PHACTR3: variants seen among roughly 807,000 people sequenced by gnomAD.
PHACTR3 encodes phosphatase and actin regulator 3.
Under a neutral mutation model 66.8 loss-of-function variants are expected in PHACTR3, and 16 were observed. The ratio of observed to expected loss-of-function variants is 0.24; its 90% CI spans 0.16 to 0.36. The LOEUF is 0.36. Ranked by LOEUF, PHACTR3 falls within the 10% of genes least tolerant of loss-of-function variation. The probability of loss-of-function intolerance (pLI) is 1.00; values close to 1 mark genes in which losing one functional copy is unlikely to be tolerated. For missense variants in PHACTR3, 647 were observed against 719.9 expected, an observed-to-expected ratio of 0.90 and a Z score of 1.16; for synonymous variants, 323 against 292.1, an observed-to-expected ratio of 1.11 and a Z score of -1.08.
intron 1 of PHACTR3, among the ~76,000 whole-genome samples, chr20:59,595,329 G>T (rs1376109875): frequency 6.6e-6 from 1 of 152,154 alleles, no homozygotes; most frequent in Admixed American, 6.6e-5. Context: ...CGGCATGGTG[G>T]TGCACGCCTG....
At chr20:59,651,263 A>G (rs1340176746) in intron 1 of PHACTR3, among the ~76,000 whole-genome samples, 2 of 152,222 alleles carry the variant, frequency 1.3e-5, no homozygotes, top group Non-Finnish European at 2.9e-5. Context: ...CTCCCATTAC[A>G]TTACATTTTC....
At chr20:59,635,131 CTT>C (rs1182171122) in intron 1 of PHACTR3, among the ~76,000 whole-genome samples, 11 of 70,108 alleles carry the variant, frequency 1.6e-4, no homozygotes, top group African/African-American at 6.3e-4. Context: ...TTCTTTCTTT[CTT>C]TCTTTCTTTC....
chr20:59,779,016 G>A (rs897461032), intron 7 of PHACTR3, among the ~76,000 whole-genome samples: 2 of 152,210 alleles, frequency 1.3e-5, no homozygotes, highest in Non-Finnish European at 1.5e-5. Context: ...GCAAGCCCTG[G>A]GTGAGGCCCC....
intron 1 of PHACTR3, among the ~76,000 whole-genome samples, chr20:59,648,352 C>T (rs376943353): frequency 1.5e-4 from 23 of 152,206 alleles, no homozygotes; most frequent in African/African-American, 4.1e-4. Flanking sequence ...GGAATCATAT[C>T]TTACTGGCCT....
At chr20:59,701,107 A>T (rs2146610717) in intron 1 of PHACTR3, among the ~76,000 whole-genome samples, 1 of 152,238 alleles carries the variant, frequency 6.6e-6, no homozygotes, top group South Asian at 2.1e-4. Context: ...TCCTTTTTAT[A>T]ACAGGAATGT....
upstream of PHACTR3, among the ~76,000 whole-genome samples, chr20:59,603,170 A>T (rs970012066): frequency 3.3e-5 from 5 of 152,202 alleles, no homozygotes; most frequent in Admixed American, 6.5e-5. Flanking sequence ...CTTAATTGCC[A>T]ACTGTAATTA....
At chr20:59,594,870 T>C (rs948849060) in intron 1 of PHACTR3, among the ~76,000 whole-genome samples, 2 of 152,212 alleles carry the variant, frequency 1.3e-5, no homozygotes, top group Non-Finnish European at 2.9e-5. Context: ...TTTACTAAGG[T>C]AGAACCTTAG....
intron 4 of PHACTR3, among the ~76,000 whole-genome samples, chr20:59,766,755 A>G (rs2040194250): frequency 1.3e-5 from 2 of 152,214 alleles, no homozygotes; most frequent in South Asian, 4.1e-4. Flanking sequence ...TAAACTGAGA[A>G]ACAATCCTGT....
At chr20:59,670,500 GAC>G (rs2036150734) in intron 1 of PHACTR3, among the ~76,000 whole-genome samples, 1 of 150,334 alleles carries the variant, frequency 6.7e-6, no homozygotes, top group African/African-American at 2.4e-5. Context: ...CCAGAGTGTG[GAC>G]ACACATCCAC....
At chr20:59,723,364 G>A (rs146275902) in intron 1 of PHACTR3, among the ~76,000 whole-genome samples, 32 of 152,098 alleles carry the variant, frequency 2.1e-4, no homozygotes, top group Admixed American at 3.9e-4. Flanking sequence ...AAATAGGATC[G>A]TACAGTGTGG....
At chr20:59,628,956 AC>A in intron 1 of PHACTR3, 1 of 344,258 alleles carries the variant, frequency 2.9e-6, no homozygotes, top group Non-Finnish European at 4.1e-6. Context: ...ACTGGTTGGC[AC>A]CAGGAGGTGG....
intron 1 of PHACTR3, among the ~76,000 whole-genome samples, chr20:59,619,779 C>G (rs951318068): frequency 5.3e-5 from 8 of 152,202 alleles, no homozygotes; most frequent in African/African-American, 1.9e-4. Context: ...GGGAAAGCCT[C>G]AGGTTCAGAG....
At chr20:59,824,884 G>A (rs923990523) in intron 8 of PHACTR3, among the ~76,000 whole-genome samples, 1 of 152,130 alleles carries the variant, frequency 6.6e-6, no homozygotes, top group African/African-American at 2.4e-5. Context: ...GTGCTGTTTG[G>A]CACAACCACA....
At chr20:59,808,645 C>T (rs1308602287) in intron 8 of PHACTR3, among the ~76,000 whole-genome samples, 1 of 152,246 alleles carries the variant, frequency 6.6e-6, no homozygotes, top group Non-Finnish European at 1.5e-5. Flanking sequence ...GTTTGCTCTG[C>T]ACCCTTGCTG....
At chr20:59,833,861 G>C (rs923742700) in intron 8 of PHACTR3, among the ~76,000 whole-genome samples, 2 of 152,200 alleles carry the variant, frequency 1.3e-5, no homozygotes, top group Non-Finnish European at 2.9e-5. Context: ...GGGGCTGCTG[G>C]AAAGAGGCAG....
intron 7 of PHACTR3, among the ~76,000 whole-genome samples, chr20:59,786,922 A>G (rs2040935959): frequency 9.9e-6 from 1 of 100,508 alleles, no homozygotes; most frequent in Non-Finnish European, 2.4e-5. Flanking sequence ...GGTGATCTTC[A>G]CTAATCACTA....
rs144746361 is a variant in PHACTR3 at position 59,617,973 on chromosome 20, C to A, written c.118+12841C>A. Among the ~76,000 whole-genome samples the A allele has an allele frequency of 6.6e-3, 1,009 of 152,316 alleles. 3 individuals are homozygous for A. Among genetic ancestry groups the A allele is most frequent in the Admixed American group, 0.011 (162 of 15,306 alleles). ...GATCACATCAGCTCATAGGCGAATG[C>A]CCCATCCAGCTGTGGGGAGGCTGCC... On this transcript the variant is annotated intron_variant, in intron 1 of 12. Coordinates refer to ENST00000371015, the MANE Select transcript of PHACTR3 (RefSeq NM_080672.5).
intron 8 of PHACTR3, among the ~76,000 whole-genome samples, chr20:59,831,088 G>A (rs548753482): frequency 5.9e-5 from 9 of 152,008 alleles, no homozygotes; most frequent in African/African-American, 1.2e-4. Flanking sequence ...CAGGTGTGTC[G>A]TAGGTGACTG....
chr20:59,701,835 G>T (rs928845088), intron 1 of PHACTR3, among the ~76,000 whole-genome samples: 2 of 152,204 alleles, frequency 1.3e-5, no homozygotes, highest in Non-Finnish European at 2.9e-5. Context: ...TATCATAGAG[G>T]ATAGTTTCAC....
Sources: gnomAD v4.1 joint callset for allele counts (sites outside exome capture counted in the v4.1 genomes callset) on GRCh38, gnomAD v4.1.1 for gene constraint, MANE v1.5 for transcripts, NCBI Gene and HGNC (gene_info 2026-07-23, HGNC 2026-07-21) for gene names.